LRBA: variants seen among roughly 807,000 people sequenced by gnomAD.
LRBA encodes the protein LPS responsive beige-like anchor protein.
LRBA carries 176 observed loss-of-function variants against 330.0 expected under a neutral mutation model. The observed-to-expected ratio is 0.53, with a 90% confidence interval of 0.47 to 0.60. The LOEUF (loss-of-function observed/expected upper bound fraction) is 0.60. Among genes scored for constraint, LRBA ranks in the 20% least tolerant of loss-of-function variants. The pLI, the probability that LRBA is intolerant of heterozygous loss-of-function variation, is 0.00. For missense variants in LRBA, 3,259 were observed against 3,444.8 expected, an observed-to-expected ratio of 0.95 and a Z score of 1.35; for synonymous variants, 1,230 against 1,193.0, an observed-to-expected ratio of 1.03 and a Z score of -0.64.
At chr4:150,574,498 A>T (rs6846450) in intron 40 of LRBA, among the ~76,000 whole-genome samples, 1 of 152,006 alleles carries the variant, frequency 6.6e-6, no homozygotes, top group Non-Finnish European at 1.5e-5. Context: ...AAAATAATGG[A>T]TAAAGATAGT....
Position 151,003,045 on chromosome 4 carries a change from C to CGTGTGTGT in LRBA, c.216+11374_216+11381dup, listed in dbSNP as rs35823392. Among the ~76,000 whole-genome samples the CGTGTGTGT allele has an allele frequency of 1.6e-3, 232 of 147,308 alleles. 1 individual carries two copies. Among genetic ancestry groups the CGTGTGTGT allele is most frequent in the African/African-American group, 5.6e-3 (223 of 39,752 alleles). On this transcript the variant is annotated intron_variant, in intron 2 of 56. Transcript: ENST00000651943. ...AAATATGTGTGTGTGTATGTGTTTGCGTGTGTGTGTGTGTGTGTGTGTGTG... is the reference window on the plus strand; with the variant it reads ...AAATATGTGTGTGTGTATGTGTTTGCGTGTGTGTGTGTGTGTGTGTGTGTGTGTGTGTG...
Position 150,952,564 on chromosome 4 carries a change from T to C in LRBA, c.217-23499A>G, listed in dbSNP as rs376551095. On this transcript the variant is annotated intron_variant, in intron 2 of 56. Transcript: ENST00000651943. Reference sequence around the variant, plus strand: ...GTCCAACATCATTCCCAAGAGCCTGTCTCTTTGCCTGTGTCTGTCAATGTC... The same window carrying C: ...GTCCAACATCATTCCCAAGAGCCTGCCTCTTTGCCTGTGTCTGTCAATGTC... 1.4e-4 allele frequency among the ~76,000 whole-genome samples: 21 copies of C among 152,258 alleles called. No homozygotes were observed. The South Asian group carries it at 4.4e-3, about 32-fold the overall frequency.
In LRBA at chr4:150,824,524, G is replaced by T. The variant is rs190894374; in HGVS notation, c.5171+3656C>A. ...GAGAAAAGGCTTTCAGTTTTTCTCTGTTCCATATGATACTAGCTGTGGATC... is the reference window on the plus strand; with the variant it reads ...GAGAAAAGGCTTTCAGTTTTTCTCTTTTCCATATGATACTAGCTGTGGATC... On this transcript the variant is annotated intron_variant, in intron 30 of 56. Coordinates refer to ENST00000651943, the MANE Select transcript of LRBA (RefSeq NM_001364905.1). Among the ~76,000 whole-genome samples the T allele has an allele frequency of 2.9e-3, 446 of 152,246 alleles. 6 individuals are homozygous for T. The highest frequency in any genetic ancestry group is 0.024 in the Admixed American group (371 of 15,286).
At chr4:150,942,477 C>T (rs1178354246) in intron 2 of LRBA, among the ~76,000 whole-genome samples, 11 of 152,090 alleles carry the variant, frequency 7.2e-5, no homozygotes, top group Non-Finnish European at 1.2e-4. Context: ...TTGACCTCTC[C>T]AGCCGACAGT....
intron 37 of LRBA, among the ~76,000 whole-genome samples, chr4:150,617,218 A>G (rs1304271220): frequency 1.3e-5 from 2 of 152,254 alleles, no homozygotes; most frequent in Non-Finnish European, 2.9e-5. Flanking sequence ...GAACTAAAAT[A>G]TGAACTATCT....
At chr4:150,804,906 C>T (rs1742334582) in intron 33 of LRBA, among the ~76,000 whole-genome samples, 1 of 152,056 alleles carries the variant, frequency 6.6e-6, no homozygotes. Flanking sequence ...TGCCAGTACA[C>T]TGCACTCCAG....
intron 41 of LRBA, among the ~76,000 whole-genome samples, chr4:150,489,071 T>TAA (rs1561249121): frequency 9.5e-5 from 9 of 94,392 alleles, no homozygotes; most frequent in African/African-American, 4.4e-4. Context: ...ATATAATATA[T>TAA]TATATATAAT....
chr4:150,836,715 A>G (rs1252849406), intron 28 of LRBA, among the ~76,000 whole-genome samples: 2 of 152,024 alleles, frequency 1.3e-5, no homozygotes, highest in Non-Finnish European at 2.9e-5. Context: ...CTAGTGGCCT[A>G]TCAATTTTGT....
At chr4:150,454,763 C>A (rs1753831849) in intron 44 of LRBA, among the ~76,000 whole-genome samples, 1 of 151,928 alleles carries the variant, frequency 6.6e-6, no homozygotes, top group Non-Finnish European at 1.5e-5. Flanking sequence ...TCTCCAATGT[C>A]CGTTATGCCA....
At chr4:150,588,775 T>A (rs1772438237) in intron 39 of LRBA, among the ~76,000 whole-genome samples, 1 of 152,206 alleles carries the variant, frequency 6.6e-6, no homozygotes, top group Non-Finnish European at 1.5e-5. Context: ...TCCTTTCCAC[T>A]GTTAAGTATT....
chr4:150,743,410 T>C (rs549085390), intron 35 of LRBA, among the ~76,000 whole-genome samples: 11 of 152,286 alleles, frequency 7.2e-5, no homozygotes, highest in African/African-American at 2.4e-4. Flanking sequence ...TATACAATCA[T>C]ATAAGTAGAT....
chr4:150,383,033 ATT>A (rs1359722630), intron 47 of LRBA, among the ~76,000 whole-genome samples: 1 of 152,174 alleles, frequency 6.6e-6, no homozygotes, highest in Non-Finnish European at 1.5e-5. Context: ...ATGAATATTT[ATT>A]TGTTTTAAAA....
intron 37 of LRBA, among the ~76,000 whole-genome samples, chr4:150,635,202 A>G (rs1156906112): frequency 6.6e-6 from 1 of 152,186 alleles, no homozygotes; most frequent in African/African-American, 2.4e-5. Context: ...ATTCTACCAT[A>G]AGGCTGTTTT....
intron 34 of LRBA, among the ~76,000 whole-genome samples, chr4:150,781,820 C>A (rs1438195820): frequency 6.6e-6 from 1 of 152,160 alleles, no homozygotes; most frequent in Non-Finnish European, 1.5e-5. Context: ...AACCCTCCTA[C>A]TTTAAAAGTA....
intron 37 of LRBA, among the ~76,000 whole-genome samples, chr4:150,682,897 T>C (rs1783171933): frequency 6.6e-6 from 1 of 152,084 alleles, no homozygotes; most frequent in Non-Finnish European, 1.5e-5. Context: ...AAATATTTCA[T>C]GGAGGATATA....
rs1778399196 is a variant in LRBA at position 150,639,797 on chromosome 4, ATATATATATGTG to A, written c.5922-40678_5922-40667del. 2.5e-3 allele frequency among the ~76,000 whole-genome samples: 12 copies of A among 4,740 alleles called. 1 individual carries two copies. Among genetic ancestry groups the A allele is most frequent in the East Asian group, 0.01 (1 of 100 alleles). The allele number at this position is 4,740 out of a possible 152,430, so 3.1% of individuals were successfully genotyped here. ...TATATATATATGTGTGTGTGTATATATATATATATGTGTGTGTGTGTGTATATATATATATAT... is the reference window on the plus strand; with the variant it reads ...TATATATATATGTGTGTGTGTATATATGTGTGTGTGTATATATATATATAT... On this transcript the variant is annotated intron_variant, in intron 37 of 56. Transcript: ENST00000651943.
chr4:150,579,976 C>G, intron 40 of LRBA: 1 of 324,480 alleles, frequency 3.1e-6, no homozygotes, highest in Non-Finnish European at 6.1e-6. Context: ...GAGCCCCTCC[C>G]GGCCAGTCGC....
intron 2 of LRBA, among the ~76,000 whole-genome samples, chr4:150,982,619 C>T (rs1341861862): frequency 1.4e-5 from 2 of 147,966 alleles, no homozygotes; most frequent in Non-Finnish European, 3.0e-5. Context: ...AAAAAAAACA[C>T]CCATAGAATA....
chr4:150,354,492 A>G (rs1342124943), intron 47 of LRBA, among the ~76,000 whole-genome samples: 1 of 151,018 alleles, frequency 6.6e-6, no homozygotes, highest in Non-Finnish European at 1.5e-5. Flanking sequence ...CTTACATCCA[A>G]TGTGTGCTCT....
Sources: gnomAD v4.1 joint callset for allele counts (sites outside exome capture counted in the v4.1 genomes callset) on GRCh38, gnomAD v4.1.1 for gene constraint, MANE v1.5 for transcripts, NCBI Gene and HGNC (gene_info 2026-07-23, HGNC 2026-07-21) for gene names.